RHOT2: variants seen among roughly 807,000 people sequenced by gnomAD.
The protein encoded by RHOT2 is mitochondrial Rho GTPase 2.
In RHOT2, 90 loss-of-function variants were observed where a neutral mutation model predicts 81.6. The observed-to-expected ratio is 1.10, with a 90% CI of 0.93 to 1.31. RHOT2 has a LOEUF of 1.31. RHOT2 is among the 40% of genes most tolerant of loss of function. RHOT2 has a pLI of 0.00. For missense variants in RHOT2, 1,014 were observed against 841.9 expected (o/e 1.20, Z -2.53); for synonymous variants, 512 against 370.9 (o/e 1.38, Z -4.37).
chr16:672,705 CTG>C lies in RHOT2; in HGVS notation c.1410_1411del (p.Cys470Ter). The C allele has an allele frequency of 6.2e-7, 1 of 1,612,284 alleles. No individual in the cohort carries two copies. The highest frequency in any genetic ancestry group is 8.5e-7 in the Non-Finnish European group (1 of 1,179,974). On this transcript the variant is annotated frameshift_variant, in exon 17 of 19. Transcript: ENST00000315082. LOFTEE classifies it high-confidence loss of function. ...CCTAAGGCCGCTGTCTGTCCCAGCT[CTG>C]TGAGGTGGGCACAGATGGTCTGCTG... ...VNGQEKYLIL[C>X]EVGTDGLLAT... is the part of the protein sequence containing the mutation.
Position 672,011 on chromosome 16 carries a change from G to T in RHOT2, c.1097+9G>T. ...TACCTCTGCCAGTGGACGTAAGTGC[G>T]GCCCACACCATGCCCGCCTGCCGCA... On this transcript the variant is annotated intron_variant, in intron 13 of 18. Transcript: ENST00000315082. 1.9e-6 allele frequency: 3 copies of T among 1,611,626 alleles called. No individual in the cohort carries two copies. Among genetic ancestry groups the T allele is most frequent in the Non-Finnish European group, 2.5e-6 (3 of 1,179,486 alleles).
intron 5 of RHOT2, 54 bp from the exon 6 acceptor site, chr16:670,069 G>A (rs1489236337): frequency 2.5e-5 from 37 of 1,491,056 alleles, no homozygotes; most frequent in Non-Finnish European, 3.2e-5. Context: ...TGCTCCAGCT[G>A]GGAGCCATGT....
At chr16:673,425 A>G in intron 18 of RHOT2, 55 bp from the exon 19 acceptor site, 1 of 1,608,776 alleles carries the variant, frequency 6.2e-7, no homozygotes, top group Non-Finnish European at 8.5e-7. Context: ...GGTGCCCAGC[A>G]GCAAGCTGGG....
Position 672,979 on chromosome 16 carries a change from G to T in RHOT2, c.1579G>T (p.Asp527Tyr), listed in dbSNP as rs146758095. 1 of 1,612,736 alleles carries T rather than the reference G, an allele frequency of 6.2e-7. No individual in the cohort carries two copies. The highest frequency in any genetic ancestry group is 1.1e-5 in the South Asian group (1 of 91,080). Reference sequence around the variant, plus strand: ...CTGCCTCTTTGTCTCCTCCAAGGCCGACCTGCCCGAAGGTGTCGCGGTGTC... The same window carrying T: ...CTGCCTCTTTGTCTCCTCCAAGGCCTACCTGCCCGAAGGTGTCGCGGTGTC... ...TPCLFVSSKADLPEGVAVSGP... is the reference protein window; with the variant it reads ...TPCLFVSSKAYLPEGVAVSGP... The change falls in exon 18 of 19, where the codon GAC (aspartate) becomes TAC (tyrosine). Residue 527 changes from aspartate (D) to tyrosine (Y), a missense_variant. Asp to Tyr is a radical substitution (Grantham distance 160). Transcript: ENST00000315082.
At chr16:671,817 C>A in intron 12 of RHOT2, 36 bp downstream of exon 12, 1 of 1,543,102 alleles carries the variant, frequency 6.5e-7, no homozygotes. Flanking sequence ...CCTGCCCCCG[C>A]CCCCTCCCCG....
chr16:668,745 G>A (rs1391930088), intron 4 of RHOT2, 46 bp downstream of exon 4: 1 of 1,544,780 alleles, frequency 6.5e-7, no homozygotes, highest in East Asian at 2.4e-5. Context: ...CGCGGGCTCG[G>A]CCTAATCCGC....
In RHOT2 at chr16:672,723, T is replaced by G; in HGVS notation, c.1425T>G (p.Asp475Glu). ...CCCAGCTCTGTGAGGTGGGCACAGA[T>G]GGTCTGCTGGCCACATCGCTGGACG... The part of the protein sequence containing the change: ...KYLILCEVGT[D>E]GLLATSLDAT... Residue 475 changes from aspartate (D) to glutamate (E), a missense_variant, in exon 17 of 19, where the codon GAT becomes GAG. Physicochemically the swap from Asp to Glu is conservative, Grantham distance 45. Coordinates refer to ENST00000315082, the MANE Select transcript of RHOT2 (RefSeq NM_138769.3). 1 of 1,612,406 alleles carries G rather than the reference T, an allele frequency of 6.2e-7. No individual in the cohort carries two copies. Among genetic ancestry groups the G allele is most frequent in the Non-Finnish European group, 8.5e-7 (1 of 1,179,946 alleles).
In RHOT2 at chr16:673,065, C is replaced by T. The variant is rs1249477427; in HGVS notation, c.1665C>T (p.Ser555=). ...GGCTACCCGCTCCCGTGCCGTTCTC[C>T]TGTGCTGGCCCAGCCGAGCCCAGCA... The part of the protein sequence containing the change: ...KHRLPAPVPF[S]CAGPAEPSTT... The change falls in exon 18 of 19, where the codon TCC becomes TCT. Residue 555 remains serine (S), a synonymous_variant. Coordinates refer to ENST00000315082, the MANE Select transcript of RHOT2 (RefSeq NM_138769.3). 2 of 1,611,756 alleles carry T rather than the reference C, an allele frequency of 1.2e-6. No homozygotes were observed. Among genetic ancestry groups the T allele is most frequent in the Non-Finnish European group, 1.7e-6 (2 of 1,179,948 alleles).
In RHOT2 at chr16:672,346, T is replaced by A. The variant is rs1239997942; in HGVS notation, c.1288T>A (p.Ser430Thr). Reference protein sequence around the residue: ...KVVGARGVGKSAFLQAFLGRG... With the variant: ...KVVGARGVGKTAFLQAFLGRG... ...GGTAGGGGCCCGTGGAGTGGGCAAG[T>A]CTGCCTTCCTGCAGGCCTTTCTCGG... The change falls in exon 15 of 19, where the codon TCT (serine) becomes ACT (threonine). Residue 430 changes from serine to threonine, a missense_variant. Transcript: ENST00000315082. The A allele has an allele frequency of 1.9e-6, 3 of 1,611,862 alleles. No individual in the cohort carries two copies. Among genetic ancestry groups the A allele is most frequent in the Non-Finnish European group, 2.5e-6 (3 of 1,179,442 alleles).
chr16:671,644 G>T, intron 11 of RHOT2, 53 bp from the exon 12 acceptor site: 1 of 1,563,542 alleles, frequency 6.4e-7, no homozygotes, highest in South Asian at 1.1e-5. Flanking sequence ...GATGGGCTGA[G>T]CGTGGTGCTG....
rs200716484 is a variant in RHOT2, at chr16:673,553, G to A, written c.1804G>A (p.Val602Met). ...GCTGCTGGGGGTTGTCGGGGCCGCC[G>A]TGGCCGCAGTCCTCAGCTTCTCACT... ...RGLLGVVGAA[V>M]AAVLSFSLYR... The change falls in exon 19 of 19, where the codon GTG becomes ATG. Residue 602 changes from valine (V) to methionine (M), a missense_variant. By Grantham distance (21) the Val-to-Met change is conservative (BLOSUM62 1). Transcript: ENST00000315082. 20 of 1,612,242 alleles carry A rather than the reference G, an allele frequency of 1.2e-5. No individual in the cohort carries two copies. Among genetic ancestry groups the A allele is most frequent in the Admixed American group, 1.0e-4 (6 of 59,998 alleles).
Position 669,970 on chromosome 16 carries a change from C to T in RHOT2, c.277-153C>T, listed in dbSNP as rs561448835. The T allele has an allele frequency of 3.7e-4, 250 of 683,872 alleles. 1 individual carries two copies. The highest frequency in any genetic ancestry group is 1.2e-3 in the South Asian group (59 of 51,022). 42.4% of individuals were successfully genotyped at this position (683,872 alleles called of 1,614,324 possible). A position where few individuals can be genotyped will look rare whatever the true frequency, so the allele number is the denominator to read the frequency against. ...AGATGAGGCTGCACCTGCTGCCTGC[C>T]TTCTCCCACCAGCTTTGTTCCTGTG... On this transcript the variant is annotated intron_variant, in intron 5 of 18. Coordinates refer to ENST00000315082, the MANE Select transcript of RHOT2 (RefSeq NM_138769.3).
chr16:668,633 G>T, intron 3 of RHOT2, 23 bp from the exon 4 acceptor site: 1 of 1,609,266 alleles, frequency 6.2e-7, no homozygotes, highest in African/African-American at 1.3e-5. Context: ...TGGGTCCGCA[G>T]TGGAGTCTCT....
Position 673,959 on chromosome 16 carries a change from C to G in RHOT2, c.*353C>G, listed in dbSNP as rs746220104. The stretch of plus-strand genomic sequence containing the variant: ...ACCCAGAATTCTCAGGGCTCTACCC[C>G]CCTTTCCTGGTCCTAGGTGGCCAGT... On this transcript the variant is annotated 3_prime_UTR_variant, in exon 19 of 19. Coordinates refer to ENST00000315082, the MANE Select transcript of RHOT2 (RefSeq NM_138769.3). 27 of 500,002 alleles carry G rather than the reference C, an allele frequency of 5.4e-5. 1 individual carries two copies. Among genetic ancestry groups the G allele is most frequent in the Non-Finnish European group, 7.4e-5 (19 of 258,286 alleles). 31.0% of individuals were successfully genotyped at this position (500,002 alleles called of 1,614,324 possible).
At position 669,561 on chromosome 16, in the gene RHOT2, G is replaced by GGT; in HGVS notation, c.239_240dup (p.Val81TrpfsTer22). 6.2e-7 allele frequency: 1 copy of GGT among 1,611,816 alleles called. No homozygotes were observed. The highest frequency in any genetic ancestry group is 8.5e-7 in the Non-Finnish European group (1 of 1,179,696). On this transcript the variant is annotated frameshift_variant, in exon 5 of 19. Coordinates refer to ENST00000315082, the MANE Select transcript of RHOT2 (RefSeq NM_138769.3). LOFTEE classifies it high-confidence loss of function. The stretch of plus-strand genomic sequence containing the variant: ...CATCACTGTTCCCTCAGGCAAACGT[G>GGT]GTGTGTGTGGTGTATGACGTCTCTG...
intron 4 of RHOT2, chr16:669,313 A>C: frequency 1.7e-6 from 1 of 572,364 alleles, no homozygotes. Context: ...TGGGCGGGGA[A>C]GAGGCTTCTC....
chr16:668,216 G>A lies in RHOT2; in HGVS notation c.17G>A (p.Arg6His), dbSNP rs1476328358. MRRDV[R>H]ILLLGEAQVG... Reference sequence around the variant, plus strand: ...GCGGCAGCTATGAGGCGGGACGTGCGCATCCTGTTACTGGGCGAGGGTAGG... The same window carrying A: ...GCGGCAGCTATGAGGCGGGACGTGCACATCCTGTTACTGGGCGAGGGTAGG... Residue 6 changes from arginine (R) to histidine (H), a missense_variant, in exon 1 of 19, where the codon CGC becomes CAC. Physicochemically the swap from Arg to His is conservative, Grantham distance 29. Transcript: ENST00000315082. The A allele has an allele frequency of 1.8e-6, 1 of 548,192 alleles. No individual in the cohort carries two copies. Among genetic ancestry groups the A allele is most frequent in the Non-Finnish European group, 3.0e-6 (1 of 333,906 alleles). The allele number at this position is 548,192 out of a possible 1,614,324, so 34.0% of individuals were successfully genotyped here.
rs746910995 is a variant in RHOT2 at position 672,180 on chromosome 16, A to C, written c.1194A>C (p.Thr398=). 6.2e-7 allele frequency: 1 copy of C among 1,612,588 alleles called. No individual in the cohort carries two copies. Among genetic ancestry groups the C allele is most frequent in the South Asian group, 1.1e-5 (1 of 91,082 alleles). The part of the protein sequence containing the change: ...LCEQDQAHAI[T]VTREKRLDQE... Reference sequence around the variant, plus strand: ...AGCAGGACCAGGCCCATGCCATCACAGGTAGGCACCCACCCTCCCTGGGCC... The same window carrying C: ...AGCAGGACCAGGCCCATGCCATCACCGGTAGGCACCCACCCTCCCTGGGCC... The change falls in exon 14 of 19, where the codon ACA becomes ACC. Residue 398 remains threonine (T), a splice_region_variant and synonymous_variant. Transcript: ENST00000315082.
chr16:672,223 C>T (rs371046262), intron 14 of RHOT2, 31 bp from the exon 15 acceptor site: 9 of 1,611,798 alleles, frequency 5.6e-6, no homozygotes, highest in African/African-American at 5.3e-5. Context: ...AGTATCCTGG[C>T]AGCTGCCCTA....
Sources: gnomAD v4.1 joint callset for allele counts on GRCh38, gnomAD v4.1.1 for gene constraint, MANE v1.5 for transcripts, NCBI Gene and HGNC (gene_info 2026-07-23, HGNC 2026-07-21) for gene names.